Variants in ELMO1 observed in about 807,000 individuals in gnomAD.
The protein encoded by ELMO1 is engulfment and cell motility protein 1.
In ELMO1, 26 loss-of-function variants were observed where a neutral mutation model predicts 98.9. The ratio of observed to expected loss-of-function variants is 0.26; its 90% confidence interval spans 0.19 to 0.36. The LOEUF (loss-of-function observed/expected upper bound fraction) is 0.36. Ranked by LOEUF, ELMO1 falls within the 10% of genes least tolerant of loss-of-function variation. The probability of loss-of-function intolerance (pLI) is 1.00; values close to 1 mark genes in which losing one functional copy is unlikely to be tolerated. For synonymous variants in ELMO1, 346 were observed against 346.0 expected (o/e 1.00, Z 0.00); for missense variants, 627 against 935.2 (o/e 0.67, Z 4.30).
intron 1 of ELMO1, among the ~76,000 whole-genome samples, chr7:37,366,055 GAAGTTGTTTCTAAATTCT>G (rs1232067448): frequency 1.3e-5 from 2 of 152,200 alleles, no homozygotes; most frequent in African/African-American, 2.4e-5. Context: ...AAATGACCTA[GAAGTTGTTTCTAAATTCT>G]AAGTTGTTTC....
At chr7:36,970,496 C>T (rs146030416) in intron 16 of ELMO1, among the ~76,000 whole-genome samples, 201 of 152,358 alleles carry the variant, frequency 1.3e-3, no homozygotes, top group Non-Finnish European at 1.2e-3. Flanking sequence ...CTGTGGTTAA[C>T]TAGCTAATGT....
At chr7:37,102,203 G>T (rs1482099400) in intron 14 of ELMO1, among the ~76,000 whole-genome samples, 2 of 152,094 alleles carry the variant, frequency 1.3e-5, no homozygotes, top group African/African-American at 4.8e-5. Flanking sequence ...GGAGACTCGG[G>T]AGTCACTTCT....
chr7:36,965,880 A>C (rs1460811306), intron 16 of ELMO1, among the ~76,000 whole-genome samples: 1 of 152,180 alleles, frequency 6.6e-6, no homozygotes, highest in African/African-American at 2.4e-5. Flanking sequence ...TCACATAAGG[A>C]TATATATGTT....
In ELMO1 at chr7:37,268,047, C is replaced by T. The variant is rs992422649; in HGVS notation, c.243+3785G>A. 1.6e-4 allele frequency among the ~76,000 whole-genome samples: 24 copies of T among 152,200 alleles called. 2 individuals carry two copies. Among genetic ancestry groups the T allele is most frequent in the Admixed American group, 1.1e-3 (17 of 15,278 alleles). On this transcript the variant is annotated intron_variant, in intron 5 of 21. Transcript: ENST00000310758. ...ACTACAAATATAGTCACCATAAGCACTTCTTAAAACAAAAATTTCAGAAAA... is the reference window on the plus strand; with the variant it reads ...ACTACAAATATAGTCACCATAAGCATTTCTTAAAACAAAAATTTCAGAAAA...
intron 15 of ELMO1, among the ~76,000 whole-genome samples, chr7:37,069,823 C>T (rs1490329959): frequency 3.3e-5 from 5 of 152,204 alleles, no homozygotes; most frequent in South Asian, 2.1e-4. Flanking sequence ...TATTCTATTT[C>T]GATCCATCTT....
At chr7:37,256,283 G>A (rs1160823449) in intron 6 of ELMO1, among the ~76,000 whole-genome samples, 1 of 151,986 alleles carries the variant, frequency 6.6e-6, no homozygotes, top group Non-Finnish European at 1.5e-5. Flanking sequence ...AATGATACCT[G>A]TCTACAGTTG....
intron 4 of ELMO1, among the ~76,000 whole-genome samples, chr7:37,283,408 T>C (rs1471178286): frequency 6.6e-6 from 1 of 152,222 alleles, no homozygotes; most frequent in Non-Finnish European, 1.5e-5. Flanking sequence ...ACATACCTAC[T>C]TTTTGCCTGG....
chr7:37,351,182 T>C (rs1190328890), intron 1 of ELMO1: 1 of 152,176 alleles, frequency 6.6e-6, no homozygotes, highest in Admixed American at 6.5e-5. Flanking sequence ...ACTGGAACAA[T>C]ACAGAGAAGA....
chr7:36,869,740 C>T (rs931870199), intron 20 of ELMO1, among the ~76,000 whole-genome samples: 1 of 152,200 alleles, frequency 6.6e-6, no homozygotes, highest in African/African-American at 2.4e-5. Context: ...CCCTCCTGTG[C>T]CCTCTGTAAT....
chr7:36,908,173 A>G lies in ELMO1; in HGVS notation c.1438-13156T>C, dbSNP rs532809544. On this transcript the variant is annotated intron_variant, in intron 16 of 21. Coordinates refer to ENST00000310758, the MANE Select transcript of ELMO1 (RefSeq NM_014800.11). Reference sequence around the variant, plus strand: ...CTGACAATGATGTGCTGGTTGTTGTAAGGACATAGTTATGGGTCCTAGAAC... The same window carrying G: ...CTGACAATGATGTGCTGGTTGTTGTGAGGACATAGTTATGGGTCCTAGAAC... Among the ~76,000 whole-genome samples the G allele has an allele frequency of 2.0e-5, 3 of 152,364 alleles. No individual in the cohort carries two copies. The South Asian group carries it at 6.2e-4, about 32-fold the overall frequency.
intron 4 of ELMO1, among the ~76,000 whole-genome samples, chr7:37,288,949 T>G (rs1030591575): frequency 1.1e-4 from 16 of 152,216 alleles, no homozygotes; most frequent in African/African-American, 3.1e-4. Context: ...ATGTCTTTTT[T>G]GGGGGCTGTC....
chr7:37,174,807 G>A (rs368247773), intron 13 of ELMO1, among the ~76,000 whole-genome samples: 5 of 152,084 alleles, frequency 3.3e-5, no homozygotes, highest in African/African-American at 9.6e-5. Flanking sequence ...ATATAATCAC[G>A]TCCACCTGAG....
intron 2 of ELMO1, among the ~76,000 whole-genome samples, chr7:37,331,276 T>C (rs939091826): frequency 6.6e-6 from 1 of 150,834 alleles, no homozygotes; most frequent in African/African-American, 2.4e-5. Context: ...TTCACACCAT[T>C]CTCCTGCCTC....
At chr7:36,977,527 T>C (rs1222704310) in intron 16 of ELMO1, among the ~76,000 whole-genome samples, 1 of 152,248 alleles carries the variant, frequency 6.6e-6, no homozygotes, top group African/African-American at 2.4e-5. Flanking sequence ...CACATGGAAT[T>C]GCAACAGTTC....
intron 17 of ELMO1, among the ~76,000 whole-genome samples, chr7:36,894,457 T>A (rs539974016): frequency 7.9e-5 from 12 of 152,356 alleles, no homozygotes; most frequent in African/African-American, 2.6e-4. Flanking sequence ...TTCATAGTGC[T>A]TTAATGAATG....
chr7:37,216,613 CCA>C, intron 11 of ELMO1, 30 bp downstream of exon 11: 3 of 1,613,252 alleles, frequency 1.9e-6, no homozygotes, highest in Non-Finnish European at 2.5e-6. Flanking sequence ...CACTCCTCCC[CCA>C]CAAAGAGGTC....
At chr7:37,274,380 CAG>C (rs1420726778) in intron 4 of ELMO1, among the ~76,000 whole-genome samples, 2 of 152,144 alleles carry the variant, frequency 1.3e-5, no homozygotes, top group Admixed American at 1.3e-4. Context: ...GAACAACGCT[CAG>C]AGTGAGCCAG....
chr7:37,331,054 G>A (rs1490428252), intron 2 of ELMO1, among the ~76,000 whole-genome samples: 1 of 139,354 alleles, frequency 7.2e-6, no homozygotes, highest in African/African-American at 2.7e-5. Context: ...ACAGTACACT[G>A]AACAGTGCAC....
At chr7:36,902,583 T>C (rs954076839) in intron 16 of ELMO1, among the ~76,000 whole-genome samples, 2 of 152,208 alleles carry the variant, frequency 1.3e-5, no homozygotes, top group Non-Finnish European at 1.5e-5. Flanking sequence ...ACTGAAACTT[T>C]CTCTATTGGT....
Sources: gnomAD v4.1 joint callset for allele counts (sites outside exome capture counted in the v4.1 genomes callset) on GRCh38, gnomAD v4.1.1 for gene constraint, MANE v1.5 for transcripts, NCBI Gene and HGNC (gene_info 2026-07-23, HGNC 2026-07-21) for gene names.